The following SEMA3A variants were observed in gnomAD, a reference collection of about 807,000 sequenced individuals.
The protein encoded by SEMA3A is semaphorin 3A.
SEMA3A carries 29 observed loss-of-function variants against 97.9 expected under a neutral mutation model. The observed-to-expected ratio is 0.30, with a 90% CI of 0.22 to 0.40. The LOEUF is 0.40. Ranked by LOEUF, SEMA3A falls within the 10% of genes least tolerant of loss-of-function variation. The pLI is 1.00. For missense variants in SEMA3A, 763 were observed against 951.3 expected (o/e 0.80, Z 2.60); for synonymous variants, 321 against 323.7 (o/e 0.99, Z 0.09).
chr7:84,088,646 T>C (rs978037578), intron 4 of SEMA3A, among the ~76,000 whole-genome samples: 5 of 152,174 alleles, frequency 3.3e-5, no homozygotes, highest in African/African-American at 1.2e-4. Flanking sequence ...TATTTAAATA[T>C]GATAGAATCA....
At chr7:84,423,629 A>G (rs542781512) in intron 1 of SEMA3A, among the ~76,000 whole-genome samples, 1 of 152,160 alleles carries the variant, frequency 6.6e-6, no homozygotes, top group South Asian at 2.1e-4. Context: ...ATCTATCTAT[A>G]TGTTCATTTG....
chr7:84,078,478 C>T (rs1357097041), intron 4 of SEMA3A, among the ~76,000 whole-genome samples: 3 of 152,044 alleles, frequency 2.0e-5, no homozygotes, highest in Admixed American at 6.6e-5. Flanking sequence ...ATTTGATCTC[C>T]AAAACTATCC....
upstream of SEMA3A, chr7:84,194,915 T>C: frequency 5.0e-6 from 1 of 200,628 alleles, no homozygotes; most frequent in East Asian, 1.1e-4. Context: ...AAGCAGTTCC[T>C]TTTATCTAAG....
intron 1 of SEMA3A, among the ~76,000 whole-genome samples, chr7:84,378,791 C>G (rs1401390830): frequency 6.6e-6 from 1 of 151,970 alleles, no homozygotes; most frequent in African/African-American, 2.4e-5. Context: ...CATTTAAAAA[C>G]TCAAAATGTA....
chr7:84,302,665 CA>C (rs758512217), intron 3 of SEMA3A, among the ~76,000 whole-genome samples: 14 of 151,772 alleles, frequency 9.2e-5, no homozygotes, highest in Non-Finnish European at 1.9e-4. Context: ...TTCACGAAAA[CA>C]AAAATTGCTG....
intron 4 of SEMA3A, among the ~76,000 whole-genome samples, chr7:84,096,480 G>A (rs1794777251): frequency 6.6e-6 from 1 of 151,944 alleles, no homozygotes; most frequent in Admixed American, 6.6e-5. Context: ...AGCATAAGTA[G>A]TTATGAGTAT....
At chr7:84,285,261 C>A (rs1008793014) in intron 3 of SEMA3A, among the ~76,000 whole-genome samples, 11 of 152,018 alleles carry the variant, frequency 7.2e-5, no homozygotes, top group Admixed American at 2.6e-4. Context: ...GCCTAAAAAA[C>A]TGTGGGAAGA....
intron 1 of SEMA3A, among the ~76,000 whole-genome samples, chr7:84,151,484 G>T (rs1483186739): frequency 6.6e-6 from 1 of 151,892 alleles, no homozygotes; most frequent in Non-Finnish European, 1.5e-5. Flanking sequence ...GGAAGAAAGG[G>T]TATCAGCGAT....
At chr7:84,344,171 C>T (rs1054063032) in intron 2 of SEMA3A, among the ~76,000 whole-genome samples, 3 of 152,082 alleles carry the variant, frequency 2.0e-5, no homozygotes, top group Admixed American at 6.6e-5. Context: ...AAATGTTTGT[C>T]CGTATACTCA....
intron 3 of SEMA3A, among the ~76,000 whole-genome samples, chr7:84,294,808 G>A (rs979572274): frequency 6.6e-6 from 1 of 151,864 alleles, no homozygotes; most frequent in East Asian, 1.9e-4. Flanking sequence ...TCATATATAC[G>A]TGTCCCCCCA....
intron 3 of SEMA3A, among the ~76,000 whole-genome samples, chr7:84,208,654 T>C (rs544992518): frequency 3.3e-5 from 5 of 152,324 alleles, no homozygotes; most frequent in African/African-American, 1.2e-4. Context: ...TAGTTTCCAG[T>C]AATGTGTCAT....
chr7:84,369,621 A>G (rs1000071540), intron 2 of SEMA3A, among the ~76,000 whole-genome samples: 1 of 150,882 alleles, frequency 6.6e-6, no homozygotes, highest in African/African-American at 2.4e-5. Context: ...GTTGTTTGTA[A>G]ATGTTAATTC....
intron 3 of SEMA3A, among the ~76,000 whole-genome samples, chr7:84,275,395 T>C (rs1053270787): frequency 6.6e-6 from 1 of 152,128 alleles, no homozygotes; most frequent in African/African-American, 2.4e-5. Flanking sequence ...ATTCACTTTG[T>C]ACTTTTAAGA....
intron 5 of SEMA3A, among the ~76,000 whole-genome samples, chr7:84,054,944 T>C: frequency 6.6e-6 from 1 of 152,066 alleles, no homozygotes; most frequent in African/African-American, 2.4e-5. Flanking sequence ...CAGCTGCAGG[T>C]CTGTTGGAGT....
chr7:84,327,885 T>C (rs551010374), intron 2 of SEMA3A, among the ~76,000 whole-genome samples: 1 of 152,130 alleles, frequency 6.6e-6, no homozygotes, highest in African/African-American at 2.4e-5. Context: ...TCGCTAGATT[T>C]TTTAGCCAGA....
intron 2 of SEMA3A, among the ~76,000 whole-genome samples, chr7:84,343,176 C>T (rs368551457): frequency 6.6e-6 from 1 of 152,120 alleles, no homozygotes; most frequent in Non-Finnish European, 1.5e-5. Flanking sequence ...TATATCTGAA[C>T]TCAGACGCCC....
At chr7:84,414,417 T>G (rs2116259821) in intron 1 of SEMA3A, among the ~76,000 whole-genome samples, 1 of 150,992 alleles carries the variant, frequency 6.6e-6, no homozygotes, top group South Asian at 2.1e-4. Context: ...AAAACAGTAT[T>G]GTTATGTAGC....
chr7:84,137,504 G>A (rs2116057235), intron 1 of SEMA3A, among the ~76,000 whole-genome samples: 1 of 151,564 alleles, frequency 6.6e-6, no homozygotes, highest in South Asian at 2.1e-4. Flanking sequence ...TGAAATTTCA[G>A]GCACTCTGAG....
At chr7:84,067,077 T>C (rs960009631) in intron 4 of SEMA3A, among the ~76,000 whole-genome samples, 1 of 152,092 alleles carries the variant, frequency 6.6e-6, no homozygotes, top group Admixed American at 6.5e-5. Context: ...AACAGAGATA[T>C]AGATCAACGG....
Sources: allele counts gnomAD v4.1 joint callset (sites outside exome capture counted in the v4.1 genomes callset), GRCh38; gene constraint gnomAD v4.1.1; transcripts MANE v1.5; gene names NCBI Gene and HGNC (gene_info 2026-07-23, HGNC 2026-07-21).